Variants in MOB1B observed in about 807,000 individuals in gnomAD.
MOB1B encodes the protein MOB1 Mps One Binder homolog B.
Under a neutral mutation model 24.4 loss-of-function variants are expected in MOB1B, and 19 were observed. That is an observed-to-expected ratio of 0.78 (90% CI 0.54 to 1.14). MOB1B has a LOEUF of 1.14. Ranked by LOEUF, MOB1B falls within the 50% of genes most tolerant of loss-of-function variation. The pLI, the probability that MOB1B is intolerant of heterozygous loss-of-function variation, is 0.00. For missense variants in MOB1B, 243 were observed against 259.6 expected (o/e 0.94, Z 0.44); for synonymous variants, 76 against 82.1 (o/e 0.93, Z 0.40).
intron 1 of MOB1B, among the ~76,000 whole-genome samples, chr4:70,941,633 G>C (rs1427614575): frequency 1.3e-5 from 2 of 152,140 alleles, no homozygotes; most frequent in African/African-American, 4.8e-5. Context: ...GAGCTACCGT[G>C]CCCAGTCAAG....
At chr4:70,923,973 A>AG (rs928807745) in intron 1 of MOB1B, among the ~76,000 whole-genome samples, 44 of 151,326 alleles carry the variant, frequency 2.9e-4, no homozygotes, top group African/African-American at 9.9e-4. Context: ...CTCAAAAAAA[A>AG]AAAAAGAAAT....
intron 1 of MOB1B, among the ~76,000 whole-genome samples, chr4:70,917,582 G>A (rs940957072): frequency 3.3e-5 from 5 of 152,148 alleles, no homozygotes; most frequent in Admixed American, 3.3e-4. Flanking sequence ...TTGTAGTGTG[G>A]ATGGGAAGGA....
At chr4:70,907,516 A>G (rs1285303403) in intron 1 of MOB1B, among the ~76,000 whole-genome samples, 2 of 152,182 alleles carry the variant, frequency 1.3e-5, no homozygotes, top group Non-Finnish European at 2.9e-5. Flanking sequence ...AGTACATTTA[A>G]TTTAACTTTT....
rs1446624388 is a variant in MOB1B, at chr4:70,975,250, C to G, written c.373C>G (p.Gln125Glu). Residue 125 changes from glutamine to glutamate, a missense_variant, in exon 4 of 6, where the codon CAG (glutamine) becomes GAG (glutamate). Gln to Glu is a conservative substitution (Grantham distance 29). Transcript: ENST00000309395. The part of the protein sequence containing the change: ...IDYLMTWVQD[Q>E]LDDETLFPSK... ...TTACTTGATGACTTGGGTTCAGGAC[C>G]AGTTGGATGATGAGACGTTATTTCC... The G allele has an allele frequency of 6.2e-7, 1 of 1,613,202 alleles. No individual in the cohort carries two copies. Among genetic ancestry groups the G allele is most frequent in the Admixed American group, 1.7e-5 (1 of 59,916 alleles).
intron 1 of MOB1B, among the ~76,000 whole-genome samples, chr4:70,940,109 C>T (rs780094444): frequency 1.4e-4 from 22 of 151,810 alleles, no homozygotes; most frequent in Middle Eastern, 3.4e-3. Context: ...TGTCTTCTTC[C>T]GCTGATGTGT....
At chr4:70,909,829 C>T (rs1398477072) in intron 1 of MOB1B, among the ~76,000 whole-genome samples, 2 of 152,036 alleles carry the variant, frequency 1.3e-5, no homozygotes, top group Non-Finnish European at 1.5e-5. Context: ...TGGGTTCAAG[C>T]AGTTCTCCCT....
chr4:70,975,059 CTG>C, intron 3 of MOB1B, 92 bp from the exon 4 acceptor site: 1 of 910,208 alleles, frequency 1.1e-6, no homozygotes, highest in Non-Finnish European at 1.5e-6. Flanking sequence ...GAAAACATGT[CTG>C]TGTGTACATT....
intron 1 of MOB1B, among the ~76,000 whole-genome samples, chr4:70,913,330 T>G (rs972839112): frequency 6.6e-6 from 1 of 152,084 alleles, no homozygotes; most frequent in Non-Finnish European, 1.5e-5. Flanking sequence ...ATAGTCTCAC[T>G]CTGTTGCCCA....
chr4:70,926,944 C>T (rs1205059149), intron 1 of MOB1B, among the ~76,000 whole-genome samples: 1 of 151,420 alleles, frequency 6.6e-6, no homozygotes, highest in Non-Finnish European at 1.5e-5. Context: ...TTACAGTGAG[C>T]CGAGATTGTG....
At chr4:70,970,162 C>A in intron 3 of MOB1B, 138 bp downstream of exon 3, 1 of 573,588 alleles carries the variant, frequency 1.7e-6, no homozygotes, top group Non-Finnish European at 3.1e-6. Flanking sequence ...ATCTAGATTC[C>A]TTAGCTTGGG....
intron 4 of MOB1B, among the ~76,000 whole-genome samples, chr4:70,978,191 T>C (rs1276259827): frequency 6.6e-6 from 1 of 152,258 alleles, no homozygotes; most frequent in Non-Finnish European, 1.5e-5. Flanking sequence ...TATTTTTCTT[T>C]TTGTGTCTGG....
chr4:70,935,250 C>G (rs1432721851), intron 1 of MOB1B, among the ~76,000 whole-genome samples: 2 of 152,102 alleles, frequency 1.3e-5, no homozygotes, highest in African/African-American at 4.8e-5. Flanking sequence ...AGATTAAACA[C>G]CCACCAGTCC....
At chr4:70,970,194 C>T (rs1358394027) in intron 3 of MOB1B, among the ~76,000 whole-genome samples, 170 bp downstream of exon 3, 1 of 152,068 alleles carries the variant, frequency 6.6e-6, no homozygotes, top group African/African-American at 2.4e-5. Context: ...TCCATCTTGC[C>T]TTTCCTCTGT....
chr4:70,959,357 A>G (rs1738201898), intron 2 of MOB1B, among the ~76,000 whole-genome samples: 1 of 152,026 alleles, frequency 6.6e-6, no homozygotes, highest in South Asian at 2.1e-4. Flanking sequence ...CTGTAGGCAC[A>G]TACCACCCTG....
chr4:70,908,330 CTT>C (rs1214043788), intron 1 of MOB1B, among the ~76,000 whole-genome samples: 44 of 132,122 alleles, frequency 3.3e-4, no homozygotes, highest in Middle Eastern at 4.1e-3. Context: ...GCCCGGCCCT[CTT>C]TTTTTTTTTT....
intron 1 of MOB1B, among the ~76,000 whole-genome samples, chr4:70,930,965 C>CTTTTTT (rs71211981): frequency 8.7e-6 from 1 of 114,324 alleles, no homozygotes; most frequent in African/African-American, 3.3e-5. Context: ...TGTACCTTTC[C>CTTTTTT]TTTTTTTTTT....
intron 4 of MOB1B, chr4:70,976,533 G>GT: frequency 5.1e-6 from 5 of 984,954 alleles, no homozygotes; most frequent in Non-Finnish European, 6.0e-6. Context: ...AGATAGTCAT[G>GT]TTTTTGCCTT....
intron 1 of MOB1B, among the ~76,000 whole-genome samples, chr4:70,919,638 A>G (rs939427495): frequency 6.6e-6 from 1 of 152,104 alleles, no homozygotes; most frequent in African/African-American, 2.4e-5. Context: ...AGCCAGGACT[A>G]CAGGCGCGCA....
intron 1 of MOB1B, among the ~76,000 whole-genome samples, chr4:70,927,557 C>T (rs182604711): frequency 2.6e-4 from 39 of 151,976 alleles, no homozygotes; most frequent in Non-Finnish European, 4.0e-4. Context: ...AAAAAATTGC[C>T]GTCAATACCA....
Sources: allele counts gnomAD v4.1 joint callset (sites outside exome capture counted in the v4.1 genomes callset), GRCh38; gene constraint gnomAD v4.1.1; transcripts MANE v1.5; gene names NCBI Gene and HGNC (gene_info 2026-07-23, HGNC 2026-07-21).